Variants in SH2D6 observed in about 807,000 individuals in gnomAD.
SH2D6 encodes the protein SH2 domain containing 6, also known as SH2 domain-containing protein 6.
In SH2D6, 31 loss-of-function variants were observed where a neutral mutation model predicts 30.2. That is an observed-to-expected ratio of 1.03 (90% CI 0.77 to 1.38). The LOEUF (loss-of-function observed/expected upper bound fraction) is 1.38, where lower values mean the gene tolerates loss of function less well. Ranked by LOEUF, SH2D6 falls within the 40% of genes most tolerant of loss-of-function variation. SH2D6 has a pLI of 0.00. For missense variants in SH2D6, 240 were observed against 266.8 expected (o/e 0.90, Z 0.70); for synonymous variants, 93 against 104.6 (o/e 0.89, Z 0.68).
At position 85,433,639 on chromosome 2, in the gene SH2D6, C is replaced by T. The variant is rs889000366; in HGVS notation, c.454+8C>T. The T allele has an allele frequency of 2.2e-5, 23 of 1,028,128 alleles. No individual in the cohort carries two copies. Among genetic ancestry groups the T allele is most frequent in the African/African-American group, 1.0e-4 (6 of 58,472 alleles). The allele number at this position is 1,028,128 out of a possible 1,614,324, so 63.7% of individuals were successfully genotyped here. On this transcript the variant is annotated splice_region_variant and intron_variant, in intron 16 of 23. Coordinates refer to ENST00000469800, the MANE Select transcript of SH2D6 (RefSeq NM_001394463.1). Reference sequence around the variant, plus strand: ...AATGTGAGCCGGATCCAGGTGAGCCCCTCCCTCAGCTCCAGACCCCTCCTG... The same window carrying T: ...AATGTGAGCCGGATCCAGGTGAGCCTCTCCCTCAGCTCCAGACCCCTCCTG...
chr2:85,426,897 C>G lies in SH2D6; in HGVS notation c.-209+1490C>G, dbSNP rs551310962. On this transcript the variant is annotated intron_variant, in intron 6 of 23. Transcript: ENST00000469800. ...GCGTCTTGGGGACTGAGCCCTCAAC[C>G]CGTGGGATCTGACTCTGTCTCCAGG... is the stretch of plus-strand genomic sequence containing the variant. Among the ~76,000 whole-genome samples the G allele has an allele frequency of 3.9e-5, 6 of 152,324 alleles. 1 individual carries two copies. The highest frequency in any genetic ancestry group is 1.4e-4 in the African/African-American group (6 of 41,572).
At chr2:85,433,729 C>T in intron 16 of SH2D6, 98 bp downstream of exon 16, 2 of 914,984 alleles carry the variant, frequency 2.2e-6, no homozygotes, top group Non-Finnish European at 2.9e-6. Context: ...CCCTTGCTGC[C>T]TCTCACCACC....
rs1687924756 is a variant in SH2D6 at position 85,424,951 on chromosome 2, A to C, written c.-308-357A>C. Among the ~76,000 whole-genome samples, 3 of 152,228 alleles carry C rather than the reference A, an allele frequency of 2.0e-5. No homozygotes were observed. In the South Asian group the frequency reaches 6.2e-4, roughly 32 times the overall value. ...CATGGTGATGCGCGCCTGTGGTCCC[A>C]GCTACTCAGGAGGCTGAAAAAGGAG... On this transcript the variant is annotated intron_variant, in intron 5 of 23. Transcript: ENST00000469800.
At chr2:85,420,337 C>G (rs1236194115) in intron 2 of SH2D6, among the ~76,000 whole-genome samples, 1 of 152,190 alleles carries the variant, frequency 6.6e-6, no homozygotes, top group Non-Finnish European at 1.5e-5. Context: ...CCAGGCTGGT[C>G]TCGAACTCCT....
intron 16 of SH2D6, 65 bp from the exon 17 acceptor site, chr2:85,433,968 C>A: frequency 1.4e-6 from 2 of 1,380,760 alleles, no homozygotes; most frequent in Non-Finnish European, 2.0e-6. Context: ...CTCAGCCCTG[C>A]CCTGGTCAGC....
Position 85,435,652 on chromosome 2 carries a change from G to A in SH2D6, c.733-14G>A, listed in dbSNP as rs764440630. On this transcript the variant is annotated splice_polypyrimidine_tract_variant and intron_variant, in intron 21 of 23. Coordinates refer to ENST00000469800, the MANE Select transcript of SH2D6 (RefSeq NM_001394463.1). ...ATTGGAAGATGAGGTTGATGGCTGG[G>A]GTCTCCTCCACAGGATGGGGCCTAT... is the stretch of plus-strand genomic sequence containing the variant. 6.3e-7 allele frequency: 1 copy of A among 1,589,356 alleles called. No homozygotes were observed. The highest frequency in any genetic ancestry group is 8.6e-7 in the Non-Finnish European group (1 of 1,166,388).
chr2:85,426,866 G>A (rs1440397532), intron 6 of SH2D6, among the ~76,000 whole-genome samples: 5 of 152,192 alleles, frequency 3.3e-5, no homozygotes, highest in East Asian at 3.9e-4. Flanking sequence ...TGGGGTGGCC[G>A]GGCAGGCGTC....
intron 23 of SH2D6, 90 bp downstream of exon 23, chr2:85,436,684 G>C: frequency 1.0e-6 from 1 of 955,872 alleles, no homozygotes; most frequent in Non-Finnish European, 1.7e-6. Flanking sequence ...CCTCACCCTA[G>C]CCTTTCCCAG....
rs1688037384 is a variant in SH2D6 at position 85,426,196 on chromosome 2, T to G, written c.-209+789T>G. On this transcript the variant is annotated intron_variant, in intron 6 of 23. Transcript: ENST00000469800. Reference sequence around the variant, plus strand: ...GCCACCTCCATCTTCCTCCTTGCAATGAATCCCACTCCACTCACACCACGG... The same window carrying G: ...GCCACCTCCATCTTCCTCCTTGCAAGGAATCCCACTCCACTCACACCACGG... Among the ~76,000 whole-genome samples, 3 of 152,260 alleles carry G rather than the reference T, an allele frequency of 2.0e-5. No individual in the cohort carries two copies. In the South Asian group the frequency reaches 6.2e-4, roughly 32 times the overall value.
At chr2:85,421,540 C>G (rs945084576) in intron 2 of SH2D6, 29 of 152,200 alleles carry the variant, frequency 1.9e-4, no homozygotes, top group African/African-American at 6.8e-4. Context: ...TGATTGAGAG[C>G]CTGCTGTGTG....
chr2:85,436,448 C>T lies in SH2D6; in HGVS notation c.892-18C>T. 1.2e-6 allele frequency: 2 copies of T among 1,603,188 alleles called. No individual in the cohort carries two copies. Among genetic ancestry groups the T allele is most frequent in the African/African-American group, 1.3e-5 (1 of 74,836 alleles). On this transcript the variant is annotated intron_variant, in intron 22 of 23. Coordinates refer to ENST00000469800, the MANE Select transcript of SH2D6 (RefSeq NM_001394463.1). ...ATGAGGCTCATGGGACTCACGGATGCCCTGCCTCCCTGGCCAGCTCTTCTC... is the reference window on the plus strand; with the variant it reads ...ATGAGGCTCATGGGACTCACGGATGTCCTGCCTCCCTGGCCAGCTCTTCTC...
chr2:85,433,176 G>T, intron 15 of SH2D6, 55 bp downstream of exon 15: 1 of 974,110 alleles, frequency 1.0e-6, no homozygotes, highest in Non-Finnish European at 1.2e-6. Flanking sequence ...TAAGAAACTG[G>T]CAGGGGTGGG....
chr2:85,424,203 G>T (rs1687870789), intron 5 of SH2D6, among the ~76,000 whole-genome samples: 1 of 152,132 alleles, frequency 6.6e-6, no homozygotes, highest in Non-Finnish European at 1.5e-5. Flanking sequence ...CACTCTGCTG[G>T]GAGAGGAATC....
intron 14 of SH2D6, 146 bp from the exon 15 acceptor site, chr2:85,432,953 G>C: frequency 1.8e-6 from 1 of 565,598 alleles, no homozygotes; most frequent in Non-Finnish European, 2.2e-6. Context: ...GATGAGAAAA[G>C]CTTTCTCCTG....
chr2:85,434,049 G>T lies in SH2D6; in HGVS notation c.471G>T (p.Gln157His). ...CEPDPVLALT[Q>H]TLSFQVLMPS... is the part of the protein sequence containing the mutation. ...CTGTTTCAGTCCTGGCTTTGACTCA[G>T]ACTCTCAGCTTCCAAGTCCTGATGC... The change falls in exon 17 of 24, where the codon CAG (glutamine) becomes CAT (histidine). Residue 157 changes from glutamine to histidine, a missense_variant. By Grantham distance (24) the Gln-to-His change is conservative. Transcript: ENST00000469800. 1 of 1,550,580 alleles carries T rather than the reference G, an allele frequency of 6.4e-7. No individual in the cohort carries two copies. The highest frequency in any genetic ancestry group is 1.2e-5 in the South Asian group (1 of 84,044).
intron 14 of SH2D6, among the ~76,000 whole-genome samples, chr2:85,432,740 T>C (rs940397143): frequency 6.6e-6 from 1 of 152,086 alleles, no homozygotes; most frequent in Non-Finnish European, 1.5e-5. Flanking sequence ...TTCACCATGT[T>C]GGCCAGGCTG....
chr2:85,424,566 A>G (rs543199344), intron 5 of SH2D6, among the ~76,000 whole-genome samples: 3 of 152,168 alleles, frequency 2.0e-5, no homozygotes, highest in Non-Finnish European at 2.9e-5. Context: ...CCTGGGCCAC[A>G]TAGCAAGACC....
In SH2D6 at chr2:85,435,432, A is replaced by G. The variant is rs747472017; in HGVS notation, c.668A>G (p.Gln223Arg). Residue 223 changes from glutamine (Q) to arginine (R), a missense_variant, in exon 21 of 24, where the codon CAG becomes CGG. By Grantham distance (43) the Gln-to-Arg change is conservative. Transcript: ENST00000469800. ...GCACAGGACAGTGATCTGCTGACTC[A>G]GCCTTGGTACTCGGGGAACTGTGAC... Reference protein sequence around the residue: ...SAAEDSDLLTQPWYSGNCDRY... With the variant: ...SAAEDSDLLTRPWYSGNCDRY... The G allele has an allele frequency of 6.2e-6, 10 of 1,613,880 alleles. No individual in the cohort carries two copies. The highest frequency in any genetic ancestry group is 6.8e-6 in the Non-Finnish European group (8 of 1,179,962).
At position 85,435,706 on chromosome 2, in the gene SH2D6, G is replaced by T; in HGVS notation, c.773G>T (p.Gly258Val). 1 of 1,613,200 alleles carries T rather than the reference G, an allele frequency of 6.2e-7. No homozygotes were observed. The highest frequency in any genetic ancestry group is 8.5e-7 in the Non-Finnish European group (1 of 1,179,736). Residue 258 changes from glycine (G) to valine (V), a missense_variant, in exon 22 of 24, where the codon GGC becomes GTC. Transcript: ENST00000469800. ...GTGCGCCCCAGCTCAGGGCCTCATG[G>T]CTCCCAGCCCTTCACCCTGGCAGTG... ...YTVRPSSGPH[G>V]SQPFTLAVLL...
Sources: allele counts gnomAD v4.1 joint callset (sites outside exome capture counted in the v4.1 genomes callset), GRCh38; gene constraint gnomAD v4.1.1; transcripts MANE v1.5; gene names NCBI Gene and HGNC (gene_info 2026-07-23, HGNC 2026-07-21).